LIN7A: variants seen among roughly 807,000 people sequenced by gnomAD.
LIN7A encodes protein lin-7 homolog A.
Under a neutral mutation model 29.8 loss-of-function variants are expected in LIN7A, and 25 were observed. The observed-to-expected ratio is 0.84, with a 90% CI of 0.61 to 1.17. The LOEUF is 1.17. Among genes scored for constraint, LIN7A ranks in the 50% most tolerant of loss-of-function variants. LIN7A has a pLI of 0.00. For synonymous variants in LIN7A, 118 were observed against 107.5 expected, an observed-to-expected ratio of 1.10 and a Z score of -0.60; for missense variants, 239 against 287.0, an observed-to-expected ratio of 0.83 and a Z score of 1.21.
chr12:80,804,182 G>GTATGCA (rs1486595277), intron 5 of LIN7A, among the ~76,000 whole-genome samples: 5 of 152,046 alleles, frequency 3.3e-5, no homozygotes, highest in Non-Finnish European at 7.4e-5. Context: ...GGAAAGTGGG[G>GTATGCA]TATGCATCCT....
chr12:80,872,842 G>A (rs979407910), intron 2 of LIN7A, among the ~76,000 whole-genome samples: 1 of 152,184 alleles, frequency 6.6e-6, no homozygotes, highest in Non-Finnish European at 1.5e-5. Flanking sequence ...ATAGAATCCA[G>A]TTGCAATTCA....
intron 5 of LIN7A, among the ~76,000 whole-genome samples, chr12:80,807,371 G>A (rs920123299): frequency 6.6e-6 from 1 of 152,012 alleles, no homozygotes; most frequent in South Asian, 2.1e-4. Flanking sequence ...CACCTGGCCC[G>A]AAGATGGAGA....
chr12:80,873,462 G>C (rs946455723), intron 2 of LIN7A, among the ~76,000 whole-genome samples: 1 of 151,428 alleles, frequency 6.6e-6, no homozygotes, highest in Non-Finnish European at 1.5e-5. Flanking sequence ...GAGCCCAGGA[G>C]TTTGAGGCTG....
chr12:80,870,958 G>A (rs897438806), intron 2 of LIN7A, among the ~76,000 whole-genome samples: 2 of 152,128 alleles, frequency 1.3e-5, no homozygotes, highest in Non-Finnish European at 2.9e-5. Context: ...GGAATTATTT[G>A]TATACCTCAG....
chr12:80,899,663 C>G (rs1332246927), intron 1 of LIN7A, among the ~76,000 whole-genome samples: 1 of 151,482 alleles, frequency 6.6e-6, no homozygotes, highest in Admixed American at 6.6e-5. Context: ...AATTTCAGAA[C>G]TTCCTATTGG....
At chr12:80,828,281 G>A (rs1872180926) in intron 4 of LIN7A, among the ~76,000 whole-genome samples, 1 of 152,098 alleles carries the variant, frequency 6.6e-6, no homozygotes, top group South Asian at 2.1e-4. Flanking sequence ...CATTCAAGCA[G>A]TACTCAAAAT....
intron 1 of LIN7A, among the ~76,000 whole-genome samples, chr12:80,889,770 C>T (rs1875530325): frequency 6.6e-6 from 1 of 152,142 alleles, no homozygotes; most frequent in South Asian, 2.1e-4. Context: ...TACAACGTTA[C>T]ATGTATTACT....
At chr12:80,815,721 C>T (rs978278028) in intron 4 of LIN7A, among the ~76,000 whole-genome samples, 4 of 152,256 alleles carry the variant, frequency 2.6e-5, no homozygotes, top group South Asian at 2.1e-4. Flanking sequence ...AGTGAAACCC[C>T]CTCCTCCATT....
chr12:80,807,415 T>C (rs1346415744), intron 5 of LIN7A, among the ~76,000 whole-genome samples: 3 of 152,112 alleles, frequency 2.0e-5, no homozygotes, highest in Non-Finnish European at 4.4e-5. Flanking sequence ...AGAAATGGAA[T>C]TGAGTAATAT....
At chr12:80,867,591 G>A (rs1222926321) in intron 2 of LIN7A, among the ~76,000 whole-genome samples, 2 of 152,002 alleles carry the variant, frequency 1.3e-5, no homozygotes, top group African/African-American at 4.8e-5. Context: ...ACTTGGATAA[G>A]TTTTCTGTTA....
chr12:80,881,163 A>AG (rs1388657416), intron 2 of LIN7A, among the ~76,000 whole-genome samples: 5 of 151,518 alleles, frequency 3.3e-5, no homozygotes, highest in Non-Finnish European at 7.4e-5. Flanking sequence ...TCCAGGGGAA[A>AG]AAAATCTATA....
chr12:80,896,284 A>G (rs1212385435), intron 1 of LIN7A, among the ~76,000 whole-genome samples: 1 of 152,228 alleles, frequency 6.6e-6, no homozygotes, highest in South Asian at 2.1e-4. Context: ...TTGGTGGAAC[A>G]CTGCAATCAA....
At chr12:80,899,650 T>C (rs373558631) in intron 1 of LIN7A, among the ~76,000 whole-genome samples, 2 of 152,072 alleles carry the variant, frequency 1.3e-5, no homozygotes, top group Non-Finnish European at 2.9e-5. Flanking sequence ...GTATTACTGA[T>C]TCAATTTCAG....
intron 5 of LIN7A, among the ~76,000 whole-genome samples, chr12:80,807,229 G>A (rs562015524): frequency 1.3e-5 from 2 of 151,732 alleles, no homozygotes; most frequent in East Asian, 1.9e-4. Context: ...CCGCCACCAC[G>A]CCCAGCTAAT....
At chr12:80,931,148 C>G (rs1329428200) in intron 1 of LIN7A, among the ~76,000 whole-genome samples, 1 of 152,142 alleles carries the variant, frequency 6.6e-6, no homozygotes, top group African/African-American at 2.4e-5. Context: ...TACTTAAGAG[C>G]TAGGCCTTAG....
chr12:80,801,083 C>T (rs1870697850), intron 5 of LIN7A, among the ~76,000 whole-genome samples: 2 of 150,016 alleles, frequency 1.3e-5, no homozygotes, highest in Non-Finnish European at 3.0e-5. Flanking sequence ...TATATATAAA[C>T]ATACATATAA....
At position 80,811,603 on chromosome 12, in the gene LIN7A, G is replaced by A. The variant is rs1871295930; in HGVS notation, c.564C>T (p.Tyr188=). Residue 188 remains tyrosine (Y), a synonymous_variant, in exon 5 of 6, where the codon TAC becomes TAT. Transcript: ENST00000552864. ...CCATTTCTTCCAGAACTTTTGGGGT[G>A]TATCGCACCACCAGCTTGACGCTGT... is the stretch of plus-strand genomic sequence containing the variant. The part of the protein sequence containing the change: ...AKDSVKLVVR[Y]TPKVLEEMEA... The A allele has an allele frequency of 1.2e-6, 2 of 1,614,054 alleles. No individual in the cohort carries two copies. Among genetic ancestry groups the A allele is most frequent in the South Asian group, 1.1e-5 (1 of 91,082 alleles).
At chr12:80,858,165 CACACACTTA>C (rs1873695129) in intron 2 of LIN7A, among the ~76,000 whole-genome samples, 1 of 152,112 alleles carries the variant, frequency 6.6e-6, no homozygotes, top group African/African-American at 2.4e-5. Flanking sequence ...ATGACCATGC[CACACACTTA>C]ATTTTCCAAA....
At chr12:80,846,396 A>AT (rs1406704885) in intron 3 of LIN7A, among the ~76,000 whole-genome samples, 2 of 152,174 alleles carry the variant, frequency 1.3e-5, no homozygotes, top group Non-Finnish European at 2.9e-5. Flanking sequence ...GTTCATAAGT[A>AT]TTTTTTTAAT....
Sources: gnomAD v4.1 joint callset for allele counts (sites outside exome capture counted in the v4.1 genomes callset) on GRCh38, gnomAD v4.1.1 for gene constraint, MANE v1.5 for transcripts, NCBI Gene and HGNC (gene_info 2026-07-23, HGNC 2026-07-21) for gene names.